Variants in NTRK3 observed in about 807,000 individuals in gnomAD.
NTRK3 encodes the protein NT-3 growth factor receptor.
A neutral mutation model predicts 91.7 loss-of-function variants in NTRK3; 24 were observed. That is an observed-to-expected ratio of 0.26 (90% CI 0.19 to 0.37). The LOEUF is 0.37. NTRK3 is among the 10% of genes least tolerant of loss of function. The probability of loss-of-function intolerance (pLI) is 1.00; values close to 1 mark genes in which losing one functional copy is unlikely to be tolerated. For missense variants in NTRK3, 880 were observed against 1,068.9 expected, an observed-to-expected ratio of 0.82 and a Z score of 2.46; for synonymous variants, 483 against 404.0, an observed-to-expected ratio of 1.20 and a Z score of -2.34.
chr15:87,986,912 A>T (rs1351717477), intron 14 of NTRK3, among the ~76,000 whole-genome samples: 1 of 152,244 alleles, frequency 6.6e-6, no homozygotes, highest in Non-Finnish European at 1.5e-5. Flanking sequence ...CAACACATAA[A>T]CAAATGAGAG....
chr15:88,191,185 T>TGC (rs2047358652), intron 3 of NTRK3, among the ~76,000 whole-genome samples: 1 of 151,738 alleles, frequency 6.6e-6, no homozygotes, highest in Admixed American at 6.6e-5. Context: ...TGTGTGTGTG[T>TGC]GTGTGTGTGT....
chr15:87,948,619 C>T (rs534087105), intron 14 of NTRK3, among the ~76,000 whole-genome samples: 1 of 152,256 alleles, frequency 6.6e-6, no homozygotes, highest in South Asian at 2.1e-4. Context: ...ACCTGGGAGG[C>T]GGAGATTGTG....
At position 88,238,822 on chromosome 15, in the gene NTRK3, AGTT is replaced by A. The variant is rs377007750; in HGVS notation, c.248+17081_248+17083del. ...CCTGATAACATTTCAGCTTGTTTCC[AGTT>A]GTTTTGCTCTTGCACACACTTCTGC... On this transcript the variant is annotated intron_variant, in intron 3 of 18. Coordinates refer to ENST00000394480, the Ensembl canonical transcript of NTRK3. Among the ~76,000 whole-genome samples, 271 of 152,296 alleles carry A rather than the reference AGTT, an allele frequency of 1.8e-3. 1 individual carries two copies. Among genetic ancestry groups the A allele is most frequent in the African/African-American group, 6.1e-3 (254 of 41,554 alleles).
At chr15:88,244,517 G>A (rs1173190099) in intron 3 of NTRK3, among the ~76,000 whole-genome samples, 1 of 150,740 alleles carries the variant, frequency 6.6e-6, no homozygotes, top group Non-Finnish European at 1.5e-5. Flanking sequence ...TATGGGCTCT[G>A]GCTGAATCAA....
chr15:87,865,119 T>G (rs1271297098), exon 19 of NTRK3: 6 of 212,954 alleles, frequency 2.8e-5, no homozygotes, highest in Non-Finnish European at 5.7e-5. Flanking sequence ...GCAAAATATT[T>G]GTGAATTTTC....
At chr15:87,980,775 G>C (rs777810871) in intron 14 of NTRK3, among the ~76,000 whole-genome samples, 2 of 152,162 alleles carry the variant, frequency 1.3e-5, no homozygotes, top group Non-Finnish European at 2.9e-5. Context: ...CTCTGAAGGA[G>C]GTGGGGTCAG....
intron 13 of NTRK3, among the ~76,000 whole-genome samples, chr15:88,113,307 A>ATT (rs1156651767): frequency 4.0e-5 from 4 of 100,842 alleles, no homozygotes; most frequent in African/African-American, 9.8e-5. Flanking sequence ...CTGCTGATCA[A>ATT]TTTCTTTTTT....
At chr15:88,033,032 G>C (rs2142023691) in exon 14 of NTRK3, 1 of 1,586,818 alleles carries the variant, frequency 6.3e-7, no homozygotes, top group Non-Finnish European at 8.6e-7. Context: ...CACCACTGAT[G>C]ACAGCCACGG....
intron 3 of NTRK3, among the ~76,000 whole-genome samples, chr15:88,221,154 C>T (rs771141232): frequency 2.6e-5 from 4 of 152,090 alleles, no homozygotes; most frequent in African/African-American, 7.2e-5. Flanking sequence ...GTAATACAGA[C>T]GTATTGTGGA....
At chr15:88,089,842 A>T (rs1429263490) in intron 13 of NTRK3, among the ~76,000 whole-genome samples, 1 of 151,348 alleles carries the variant, frequency 6.6e-6, no homozygotes, top group Non-Finnish European at 1.5e-5. Context: ...CCTGCGTTAC[A>T]CCCTCCACAG....
intron 3 of NTRK3, among the ~76,000 whole-genome samples, chr15:88,242,274 T>C (rs1384527813): frequency 2.0e-5 from 3 of 152,154 alleles, no homozygotes; most frequent in South Asian, 2.1e-4. Context: ...GTGGGGCCTC[T>C]GTGAGCAACA....
intron 13 of NTRK3, among the ~76,000 whole-genome samples, chr15:88,071,392 G>C (rs1189554330): frequency 6.6e-6 from 1 of 152,250 alleles, no homozygotes; most frequent in African/African-American, 2.4e-5. Context: ...ACTTCTGTTT[G>C]GGTTTCTCTT....
At chr15:88,180,784 T>C (rs1029673365) in intron 5 of NTRK3, among the ~76,000 whole-genome samples, 15 of 150,812 alleles carry the variant, frequency 9.9e-5, no homozygotes, top group Non-Finnish European at 2.2e-4. Context: ...GACTTGTAAA[T>C]GCATTTAGAG....
intron 6 of NTRK3, among the ~76,000 whole-genome samples, chr15:88,141,438 G>C (rs1406441529): frequency 1.3e-5 from 2 of 152,200 alleles, no homozygotes; most frequent in Non-Finnish European, 2.9e-5. Context: ...GAGCAGTGTG[G>C]GCTCACACTG....
intron 5 of NTRK3, among the ~76,000 whole-genome samples, chr15:88,165,925 T>C (rs1195839239): frequency 6.6e-6 from 1 of 152,204 alleles, no homozygotes; most frequent in Non-Finnish European, 1.5e-5. Flanking sequence ...AGCTGGGGAC[T>C]TGGTTCTATA....
At chr15:88,090,755 A>C (rs761800617) in intron 13 of NTRK3, among the ~76,000 whole-genome samples, 8 of 151,950 alleles carry the variant, frequency 5.3e-5, no homozygotes, top group Non-Finnish European at 8.8e-5. Context: ...ACCCACTCTT[A>C]ATCTCACCAT....
At chr15:87,925,775 G>T (rs917907613) in intron 17 of NTRK3, 10 of 176,572 alleles carry the variant, frequency 5.7e-5, no homozygotes, top group Non-Finnish European at 1.2e-4. Flanking sequence ...TCCTGAGGTG[G>T]TCAATGTAAA....
intron 14 of NTRK3, among the ~76,000 whole-genome samples, chr15:88,005,288 G>A (rs1350871056): frequency 6.6e-6 from 1 of 152,116 alleles, no homozygotes; most frequent in East Asian, 1.9e-4. Context: ...AGTTCATTCA[G>A]GACTTCTGAT....
chr15:87,905,119 T>C (rs903293322), intron 17 of NTRK3, among the ~76,000 whole-genome samples: 2 of 152,182 alleles, frequency 1.3e-5, no homozygotes, highest in African/African-American at 4.8e-5. Context: ...TCTGTGATGG[T>C]AACAATGTAA....
Sources: gnomAD v4.1 joint callset for allele counts (sites outside exome capture counted in the v4.1 genomes callset) on GRCh38, gnomAD v4.1.1 for gene constraint, MANE v1.5 for transcripts, NCBI Gene and HGNC (gene_info 2026-07-23, HGNC 2026-07-21) for gene names.